LRP1B: variants seen among roughly 807,000 people sequenced by gnomAD.
LRP1B encodes the protein LDL receptor related protein 1B, also known as low-density lipoprotein receptor-related protein 1B.
LRP1B carries 217 observed loss-of-function variants against 556.6 expected under a neutral mutation model. That is an observed-to-expected ratio of 0.39 (90% CI 0.35 to 0.44). The LOEUF is 0.44. Ranked by LOEUF, LRP1B falls within the 20% of genes least tolerant of loss-of-function variation. LRP1B has a pLI of 1.00. For missense variants in LRP1B, 5,053 were observed against 5,620.8 expected (o/e 0.90, Z 3.23); for synonymous variants, 2,047 against 1,865.8 (o/e 1.10, Z -2.50).
chr2:141,197,801 T>C (rs1206511348), intron 6 of LRP1B, among the ~76,000 whole-genome samples: 1 of 152,106 alleles, frequency 6.6e-6, no homozygotes, highest in African/African-American at 2.4e-5. Flanking sequence ...ATATTAAATA[T>C]GTAATCATAT....
intron 6 of LRP1B, among the ~76,000 whole-genome samples, chr2:141,228,304 T>C (rs1683321986): frequency 6.6e-6 from 1 of 152,188 alleles, no homozygotes; most frequent in African/African-American, 2.4e-5. Context: ...TTATCATTCT[T>C]ATGGTTTCCC....
chr2:140,424,175 TC>T (rs1685563914), intron 66 of LRP1B, among the ~76,000 whole-genome samples: 1 of 152,176 alleles, frequency 6.6e-6, no homozygotes, highest in South Asian at 2.1e-4. Flanking sequence ...GGGGAGGGCT[TC>T]CTTAAAAAAG....
rs1189999715 is a variant in LRP1B, at chr2:140,680,146, C to T, written c.6799+20104G>A. Among the ~76,000 whole-genome samples, 6 of 151,950 alleles carry T rather than the reference C, an allele frequency of 3.9e-5. No individual in the cohort carries two copies. The East Asian group carries it at 1.2e-3, about 29-fold the overall frequency. On this transcript the variant is annotated intron_variant, in intron 41 of 90. Transcript: ENST00000389484. ...GCCCACTTAAGAGTAAGAAACTTTC[C>T]AAGGCCCTAGAGAAAGCTTTCCAGA...
intron 1 of LRP1B, among the ~76,000 whole-genome samples, chr2:141,952,283 G>T (rs1439807122): frequency 6.6e-6 from 1 of 151,942 alleles, no homozygotes; most frequent in East Asian, 1.9e-4. Context: ...CCAAGTCTTT[G>T]CTATTGTGAA....
In LRP1B at chr2:141,861,871, A is replaced by G. The variant is rs182976671; in HGVS notation, c.83-51470T>C. Among the ~76,000 whole-genome samples, 415 of 152,132 alleles carry G rather than the reference A, an allele frequency of 2.7e-3. 5 individuals carry two copies. Among genetic ancestry groups the G allele is most frequent in the Non-Finnish European group, 2.3e-3 (158 of 67,976 alleles). On this transcript the variant is annotated intron_variant, in intron 1 of 90. Transcript: ENST00000389484. ...CTTGAACTCGGGAGGTGGAGGTTACAGTGAGCCAAGATAGTGCCACTGCAC... is the reference window on the plus strand; with the variant it reads ...CTTGAACTCGGGAGGTGGAGGTTACGGTGAGCCAAGATAGTGCCACTGCAC...
chr2:141,684,009 C>A (rs1055272303), intron 2 of LRP1B, among the ~76,000 whole-genome samples: 4 of 151,790 alleles, frequency 2.6e-5, no homozygotes, highest in African/African-American at 9.7e-5. Flanking sequence ...TAAATTAGTT[C>A]AACCATTGTG....
At chr2:140,990,376 T>C (rs1697056077) in intron 16 of LRP1B, among the ~76,000 whole-genome samples, 1 of 152,044 alleles carries the variant, frequency 6.6e-6, no homozygotes, top group Admixed American at 6.6e-5. Context: ...TTAAAAATAT[T>C]TTTTAAACCA....
At chr2:140,511,345 A>T (rs1191135564) in intron 51 of LRP1B, among the ~76,000 whole-genome samples, 2 of 112,056 alleles carry the variant, frequency 1.8e-5, no homozygotes, top group Non-Finnish European at 3.3e-5. Flanking sequence ...TCTGTCGCCC[A>T]GGCTGGAGTG....
chr2:140,259,421 A>C (rs892027226), intron 86 of LRP1B, among the ~76,000 whole-genome samples: 17 of 152,180 alleles, frequency 1.1e-4, no homozygotes, highest in African/African-American at 3.8e-4. Context: ...CTCAAGAAAC[A>C]TCATATAACA....
chr2:141,688,666 C>A (rs976279684), intron 2 of LRP1B, among the ~76,000 whole-genome samples: 2 of 151,806 alleles, frequency 1.3e-5, no homozygotes, highest in African/African-American at 4.8e-5. Flanking sequence ...AGAATTTCAA[C>A]CCATGCAATC....
intron 41 of LRP1B, among the ~76,000 whole-genome samples, chr2:140,619,099 ACACACACACACACAC>A (rs1683360999): frequency 6.6e-6 from 1 of 151,456 alleles, no homozygotes; most frequent in Admixed American, 6.6e-5. Context: ...ACACACACAC[ACACACACACACACAC>A]AACTCTGACT....
intron 2 of LRP1B, among the ~76,000 whole-genome samples, chr2:141,775,300 T>A (rs1433813403): frequency 6.6e-6 from 1 of 152,256 alleles, no homozygotes; most frequent in Non-Finnish European, 1.5e-5. Flanking sequence ...ATTAGCTGTG[T>A]GGAAAGCAAT....
intron 1 of LRP1B, among the ~76,000 whole-genome samples, chr2:141,884,316 A>G (rs1278531305): frequency 1.3e-5 from 2 of 152,152 alleles, no homozygotes; most frequent in Admixed American, 1.3e-4. Context: ...TCGAGACTGT[A>G]GTGAGCCTTG....
At chr2:141,496,747 C>G (rs1032076713) in intron 2 of LRP1B, among the ~76,000 whole-genome samples, 1 of 150,406 alleles carries the variant, frequency 6.6e-6, no homozygotes, top group African/African-American at 2.4e-5. Context: ...CTTGTATCAT[C>G]AAAGAAGAAA....
At chr2:140,450,283 C>T (rs1441073247) in intron 63 of LRP1B, among the ~76,000 whole-genome samples, 1 of 152,068 alleles carries the variant, frequency 6.6e-6, no homozygotes, top group African/African-American at 2.4e-5. Flanking sequence ...CTACTGATCA[C>T]TACATGAAAT....
chr2:141,139,585 GA>G (rs566678673), intron 7 of LRP1B, among the ~76,000 whole-genome samples: 1 of 151,434 alleles, frequency 6.6e-6, no homozygotes, highest in African/African-American at 2.4e-5. Context: ...ATAAGGACAT[GA>G]AAAAAAATTC....
At chr2:141,029,418 A>G (rs1490376714) in intron 11 of LRP1B, among the ~76,000 whole-genome samples, 2 of 152,026 alleles carry the variant, frequency 1.3e-5, no homozygotes, top group Non-Finnish European at 2.9e-5. Flanking sequence ...GCCAGATTGT[A>G]AGGCTTATTT....
At chr2:141,711,703 C>T (rs1249966631) in intron 2 of LRP1B, among the ~76,000 whole-genome samples, 1 of 152,082 alleles carries the variant, frequency 6.6e-6, no homozygotes, top group East Asian at 1.9e-4. Flanking sequence ...TTCACAGGCT[C>T]CCTTACTCTC....
intron 2 of LRP1B, among the ~76,000 whole-genome samples, chr2:141,728,198 G>C (rs1490006253): frequency 6.6e-6 from 1 of 152,152 alleles, no homozygotes; most frequent in African/African-American, 2.4e-5. Flanking sequence ...GGTCACCTCA[G>C]TTCTCTAGCA....
Sources: allele counts gnomAD v4.1 joint callset (sites outside exome capture counted in the v4.1 genomes callset), GRCh38; gene constraint gnomAD v4.1.1; transcripts MANE v1.5; gene names NCBI Gene and HGNC (gene_info 2026-07-23, HGNC 2026-07-21).